The following REPS1 variants were observed in gnomAD, a reference collection of about 807,000 sequenced individuals.
REPS1 encodes RALBP1 associated Eps domain containing 1.
A neutral mutation model predicts 100.9 loss-of-function variants in REPS1; 39 were observed. That is an observed-to-expected ratio of 0.39 (90% CI 0.30 to 0.50). REPS1 has a LOEUF of 0.50. Ranked by LOEUF, REPS1 falls within the 20% of genes least tolerant of loss-of-function variation. The pLI is 0.86. For synonymous variants in REPS1, 324 were observed against 340.3 expected (o/e 0.95, Z 0.53); for missense variants, 821 against 968.5 (o/e 0.85, Z 2.02).
At position 138,987,768 on chromosome 6, in the gene REPS1, TG is replaced by T. The variant is rs1272240799; in HGVS notation, c.-87del. On this transcript the variant is annotated 5_prime_UTR_variant, in exon 1 of 20. Coordinates refer to ENST00000450536, the MANE Select transcript of REPS1 (RefSeq NM_001286611.2). ...AACCTGGGCCGGCAGGGGCTGCGCG[TG>T]GCCCGGCCTCCTGCTAGCTTCCCGA... The T allele has an allele frequency of 7.3e-7, 1 of 1,377,492 alleles. No homozygotes were observed. Among genetic ancestry groups the T allele is most frequent in the Non-Finnish European group, 9.4e-7 (1 of 1,060,754 alleles). 85.3% of individuals were successfully genotyped at this position (1,377,492 alleles called of 1,614,324 possible).
At chr6:138,968,488 G>C (rs1784136010) in intron 1 of REPS1, among the ~76,000 whole-genome samples, 1 of 150,304 alleles carries the variant, frequency 6.7e-6, no homozygotes, top group Non-Finnish European at 1.5e-5. Flanking sequence ...CAGTTTTGTA[G>C]AACTCCAAAG....
At chr6:138,917,512 A>C (rs1383509544) in intron 13 of REPS1, 43 bp downstream of exon 13, 2 of 1,434,130 alleles carry the variant, frequency 1.4e-6, no homozygotes, top group East Asian at 4.5e-5. Context: ...ATTAAAACGC[A>C]GCAAGATAGT....
intron 1 of REPS1, among the ~76,000 whole-genome samples, chr6:138,987,024 T>G (rs566772862): frequency 4.7e-4 from 71 of 152,310 alleles, no homozygotes; most frequent in Admixed American, 4.6e-4. Flanking sequence ...AGTTCACATT[T>G]TAAAAAATTT....
intron 8 of REPS1, 34 bp from the exon 9 acceptor site, chr6:138,930,132 G>T: frequency 1.9e-6 from 3 of 1,593,810 alleles, no homozygotes; most frequent in East Asian, 2.3e-5. Context: ...TCTCTATAAA[G>T]ACTACATTGT....
chr6:138,956,944 T>C (rs1224640866), intron 1 of REPS1, among the ~76,000 whole-genome samples: 1 of 151,764 alleles, frequency 6.6e-6, no homozygotes, highest in African/African-American at 2.4e-5. Context: ...GAACAAGATA[T>C]CTTGAAATTT....
intron 1 of REPS1, among the ~76,000 whole-genome samples, chr6:138,979,180 C>CAAAAAAAAAAAAAAAAAAAAAA (rs568626153): frequency 5.1e-5 from 3 of 59,340 alleles, no homozygotes; most frequent in African/African-American, 8.5e-5. Context: ...GAATCCATCA[C>CAAAAAAAAAAAAAAAAAAAAAA]AAAAAAAAAA....
At chr6:138,955,299 T>G (rs1377178071) in intron 1 of REPS1, among the ~76,000 whole-genome samples, 1 of 151,782 alleles carries the variant, frequency 6.6e-6, no homozygotes, top group Non-Finnish European at 1.5e-5. Context: ...GAAATATACA[T>G]ATAAGCAGGG....
chr6:138,914,993 G>T, intron 14 of REPS1: 1 of 498,934 alleles, frequency 2.0e-6, no homozygotes, highest in Non-Finnish European at 3.5e-6. Context: ...AAGCCCTCCT[G>T]GCATACTCCT....
chr6:138,983,749 T>C (rs1194920829), intron 1 of REPS1, among the ~76,000 whole-genome samples: 1 of 152,062 alleles, frequency 6.6e-6, no homozygotes, highest in Non-Finnish European at 1.5e-5. Context: ...TGTGACACTG[T>C]CTCCCGTCCC....
At chr6:138,939,945 C>G (rs1257893552) in intron 8 of REPS1, among the ~76,000 whole-genome samples, 1 of 152,114 alleles carries the variant, frequency 6.6e-6, no homozygotes, top group Non-Finnish European at 1.5e-5. Flanking sequence ...TACAATCAAC[C>G]TATTCGTTGA....
At chr6:138,916,018 T>C (rs377432995) in intron 13 of REPS1, 42 bp from the exon 14 acceptor site, 7 of 1,400,482 alleles carry the variant, frequency 5.0e-6, no homozygotes, top group African/African-American at 1.4e-5. Context: ...ACTACTGATA[T>C]CAGAGCTTTT....
At chr6:138,922,918 C>T (rs1004444606) in intron 10 of REPS1, among the ~76,000 whole-genome samples, 11 of 152,182 alleles carry the variant, frequency 7.2e-5, no homozygotes, top group African/African-American at 2.7e-4. Flanking sequence ...GACATATCTC[C>T]TTGCCTTATG....
intron 9 of REPS1, 89 bp downstream of exon 9, chr6:138,929,888 T>C: frequency 7.7e-7 from 1 of 1,301,430 alleles, no homozygotes; most frequent in Non-Finnish European, 1.1e-6. Flanking sequence ...GCATGCATGC[T>C]GGAAGAGACA....
intron 8 of REPS1, among the ~76,000 whole-genome samples, chr6:138,940,775 A>G (rs1782197687): frequency 6.6e-6 from 1 of 151,816 alleles, no homozygotes; most frequent in African/African-American, 2.4e-5. Flanking sequence ...AAAAAAAGAA[A>G]AGGAAGAAAG....
At chr6:138,969,884 T>TTTTTTTTG (rs71013005) in intron 1 of REPS1, among the ~76,000 whole-genome samples, 1 of 120,158 alleles carries the variant, frequency 8.3e-6, no homozygotes, top group South Asian at 2.4e-4. Context: ...TTTTTTTTTT[T>TTTTTTTTG]AGTAAGTACC....
At chr6:138,967,876 C>T (rs1016877746) in intron 1 of REPS1, among the ~76,000 whole-genome samples, 1 of 152,096 alleles carries the variant, frequency 6.6e-6, no homozygotes, top group East Asian at 1.9e-4. Flanking sequence ...TCAAAACAAT[C>T]CTATGAGGTA....
At chr6:138,952,260 T>C (rs1000181927) in intron 1 of REPS1, among the ~76,000 whole-genome samples, 5 of 152,176 alleles carry the variant, frequency 3.3e-5, no homozygotes, top group South Asian at 2.1e-4. Context: ...AGAAGTCAAA[T>C]TGTCCCTGTT....
intron 16 of REPS1, 83 bp from the exon 17 acceptor site, chr6:138,911,454 A>G (rs1779999466): frequency 1.1e-6 from 1 of 912,984 alleles, no homozygotes; most frequent in African/African-American, 1.7e-5. Flanking sequence ...AAATCAGAAT[A>G]AAATGTTAAA....
chr6:138,935,600 A>G (rs1331854837), intron 8 of REPS1, among the ~76,000 whole-genome samples: 1 of 152,104 alleles, frequency 6.6e-6, no homozygotes, highest in Non-Finnish European at 1.5e-5. Flanking sequence ...CTGTAATCCC[A>G]ACACTTTGGG....
Sources: gnomAD v4.1 joint callset for allele counts (sites outside exome capture counted in the v4.1 genomes callset) on GRCh38, gnomAD v4.1.1 for gene constraint, MANE v1.5 for transcripts, NCBI Gene and HGNC (gene_info 2026-07-23, HGNC 2026-07-21) for gene names.